CLIC5: variants seen among roughly 807,000 people sequenced by gnomAD.
CLIC5 encodes the protein chloride intracellular channel protein 5.
A neutral mutation model predicts 24.7 loss-of-function variants in CLIC5; 20 were observed. That is an observed-to-expected ratio of 0.81 (90% confidence interval 0.57 to 1.18). CLIC5 has a LOEUF of 1.18. CLIC5 is among the 50% of genes most tolerant of loss of function. CLIC5 has a pLI of 0.00. For synonymous variants in CLIC5, 159 were observed against 135.6 expected (o/e 1.17, Z -1.20); for missense variants, 341 against 326.1 (o/e 1.05, Z -0.35).
intron 4 of CLIC5, among the ~76,000 whole-genome samples, chr6:45,921,213 C>T (rs907255196): frequency 6.6e-6 from 1 of 152,140 alleles, no homozygotes; most frequent in Non-Finnish European, 1.5e-5. Flanking sequence ...AATGTCTACA[C>T]CAGATTCTTA....
chr6:46,032,123 G>A (rs934919879), intron 1 of CLIC5, among the ~76,000 whole-genome samples: 2 of 152,088 alleles, frequency 1.3e-5, no homozygotes, highest in African/African-American at 4.8e-5. Context: ...AGGCTGTACA[G>A]GAAGCATGGC....
the CLIC5 span, among the ~76,000 whole-genome samples, chr6:46,096,858 T>A: frequency 6.6e-6 from 1 of 152,210 alleles, no homozygotes; most frequent in Non-Finnish European, 1.5e-5. Flanking sequence ...TATATGAAGC[T>A]ATAGAAGGCA....
intron 2 of CLIC5, among the ~76,000 whole-genome samples, chr6:45,952,626 G>A (rs1764509831): frequency 6.6e-6 from 1 of 152,208 alleles, no homozygotes; most frequent in Non-Finnish European, 1.5e-5. Flanking sequence ...ATTAATGTGT[G>A]TGTTCATGGG....
At chr6:45,958,751 A>G (rs1240283946) in intron 1 of CLIC5, among the ~76,000 whole-genome samples, 1 of 151,910 alleles carries the variant, frequency 6.6e-6, no homozygotes, top group Non-Finnish European at 1.5e-5. Context: ...TCCATATATG[A>G]TGAGCTTGGC....
At chr6:46,031,142 G>A (rs1480601809) in intron 1 of CLIC5, among the ~76,000 whole-genome samples, 1 of 152,090 alleles carries the variant, frequency 6.6e-6, no homozygotes, top group Admixed American at 6.6e-5. Context: ...CCATCACTGT[G>A]TTTTGCAGAA....
intron 5 of CLIC5, chr6:45,912,660 C>G (rs774970004): frequency 6.5e-7 from 1 of 1,532,920 alleles, no homozygotes; most frequent in South Asian, 1.2e-5. Context: ...GAACTCGGGT[C>G]TCCTGATCTT....
the CLIC5 span, among the ~76,000 whole-genome samples, chr6:46,125,976 A>G: frequency 1.3e-4 from 20 of 152,176 alleles, no homozygotes; most frequent in Non-Finnish European, 2.8e-4. Flanking sequence ...CATGTGGTTA[A>G]TGGAGTAAAA....
intron 1 of CLIC5, among the ~76,000 whole-genome samples, chr6:45,996,053 G>T (rs1028779061): frequency 6.6e-6 from 1 of 150,678 alleles, no homozygotes; most frequent in Non-Finnish European, 1.5e-5. Context: ...GATAGGTGCA[G>T]CAAACCACCA....
chr6:46,063,850 G>T (rs1269914600), intron 1 of CLIC5, among the ~76,000 whole-genome samples: 1 of 152,110 alleles, frequency 6.6e-6, no homozygotes, highest in South Asian at 2.1e-4. Context: ...CTTCTACAAA[G>T]CTTAAAAGCA....
chr6:46,091,293 CAGTTTCTATG>C, the CLIC5 span, among the ~76,000 whole-genome samples: 2 of 152,298 alleles, frequency 1.3e-5, no homozygotes, highest in Non-Finnish European at 2.9e-5. Context: ...ATGTTACTCT[CAGTTTCTATG>C]AGTTTCACTG....
At chr6:45,929,642 G>A (rs530641588) in intron 4 of CLIC5, among the ~76,000 whole-genome samples, 1 of 152,286 alleles carries the variant, frequency 6.6e-6, no homozygotes. Context: ...CATGTTATCC[G>A]CATTGCTGTG....
the CLIC5 span, among the ~76,000 whole-genome samples, chr6:46,127,090 T>C: frequency 1.3e-5 from 2 of 152,208 alleles, no homozygotes; most frequent in Non-Finnish European, 2.9e-5. Flanking sequence ...TTGTACTTAG[T>C]TTTTGTGTAT....
At chr6:46,020,454 C>T (rs1767144056), upstream of CLIC5, among the ~76,000 whole-genome samples, 1 of 152,000 alleles carries the variant, frequency 6.6e-6, no homozygotes, top group African/African-American at 2.4e-5. Flanking sequence ...ATACATAAAA[C>T]ACTTATTTTG....
rs183573082 is a variant in CLIC5, at chr6:45,934,704, A to G, written c.406+6843T>C. Among the ~76,000 whole-genome samples the G allele has an allele frequency of 1.0e-4, 16 of 152,388 alleles. No homozygotes were observed. The East Asian group carries it at 2.9e-3, about 28-fold the overall frequency. ...AAATACTGAATTTTTGTCTTAGGCT[A>G]CAGGCATAGGCATGCCTACTTCCTC... On this transcript the variant is annotated intron_variant, in intron 4 of 5. Transcript: ENST00000339561.
At chr6:45,917,180 T>C (rs1163266851) in intron 4 of CLIC5, among the ~76,000 whole-genome samples, 1 of 152,194 alleles carries the variant, frequency 6.6e-6, no homozygotes, top group African/African-American at 2.4e-5. Context: ...ACATGTGACC[T>C]TGGACAAGTT....
chr6:45,974,642 T>C (rs1765327647), intron 1 of CLIC5, among the ~76,000 whole-genome samples: 1 of 150,472 alleles, frequency 6.6e-6, no homozygotes, highest in Non-Finnish European at 1.5e-5. Context: ...TTTCTTCAGG[T>C]GGGTGCATTC....
At chr6:46,006,069 TATATATATAC>T in intron 1 of CLIC5, among the ~76,000 whole-genome samples, 1 of 122,682 alleles carries the variant, frequency 8.2e-6, no homozygotes, top group East Asian at 2.8e-4. Context: ...CATGTATAAA[TATATATATAC>T]ACATGTATAA....
At chr6:46,077,310 A>G (rs1011048314) in intron 1 of CLIC5, among the ~76,000 whole-genome samples, 15 of 152,150 alleles carry the variant, frequency 9.9e-5, no homozygotes, top group African/African-American at 3.6e-4. Context: ...AGAACAGGTG[A>G]AAACATACAC....
chr6:45,966,144 A>G (rs1765008579), intron 1 of CLIC5, among the ~76,000 whole-genome samples: 1 of 152,216 alleles, frequency 6.6e-6, no homozygotes, highest in Non-Finnish European at 1.5e-5. Flanking sequence ...ATGAATCCCA[A>G]ACTCAAATAT....
Sources: gnomAD v4.1 joint callset for allele counts (sites outside exome capture counted in the v4.1 genomes callset) on GRCh38, gnomAD v4.1.1 for gene constraint, MANE v1.5 for transcripts, NCBI Gene and HGNC (gene_info 2026-07-23, HGNC 2026-07-21) for gene names.